The following COMMD10 variants were observed in gnomAD, a reference collection of about 807,000 sequenced individuals.
COMMD10 encodes COMM domain containing 10.
Under a neutral mutation model 28.9 loss-of-function variants are expected in COMMD10, and 33 were observed. The ratio of observed to expected loss-of-function variants is 1.14; its 90% CI spans 0.87 to 1.53. COMMD10 has a LOEUF of 1.53. COMMD10 is among the 40% of genes most tolerant of loss of function. The pLI, the probability that COMMD10 is intolerant of heterozygous loss-of-function variation, is 0.00. For synonymous variants in COMMD10, 110 were observed against 81.7 expected (o/e 1.35, Z -1.87); for missense variants, 310 against 233.4 (o/e 1.33, Z -2.14).
Position 116,085,026 on chromosome 5 carries a change from G to A in COMMD10, c.-27G>A, listed in dbSNP as rs367887177. The A allele has an allele frequency of 6.9e-6, 11 of 1,601,368 alleles. No homozygotes were observed. The highest frequency in any genetic ancestry group is 9.4e-6 in the Non-Finnish European group (11 of 1,175,968). On this transcript the variant is annotated 5_prime_UTR_variant, in exon 1 of 7. Transcript: ENST00000274458. ...TTGGCTGGGTTCGGCGCAGCTAACAGACGGCGGCAGTGCGAGAAAGCCGAA... is the reference window on the plus strand; with the variant it reads ...TTGGCTGGGTTCGGCGCAGCTAACAAACGGCGGCAGTGCGAGAAAGCCGAA...
At chr5:116,136,399 A>G (rs901541692) in intron 5 of COMMD10, among the ~76,000 whole-genome samples, 1 of 152,092 alleles carries the variant, frequency 6.6e-6, no homozygotes, top group African/African-American at 2.4e-5. Flanking sequence ...CCTTTGTTTT[A>G]TTTTTCGTGA....
chr5:116,149,121 T>TTA (rs2112548845), intron 5 of COMMD10, among the ~76,000 whole-genome samples: 1 of 149,782 alleles, frequency 6.7e-6, no homozygotes, highest in Admixed American at 6.6e-5. Flanking sequence ...TTTTTTGTTC[T>TTA]TGCGATAGTT....
At chr5:116,255,092 T>G (rs1322816134) in intron 5 of COMMD10, among the ~76,000 whole-genome samples, 3 of 151,784 alleles carry the variant, frequency 2.0e-5, no homozygotes, top group Non-Finnish European at 4.4e-5. Flanking sequence ...TGGTTTAAAG[T>G]CTGTTTTATC....
At chr5:116,237,142 G>C (rs1312755223) in intron 5 of COMMD10, among the ~76,000 whole-genome samples, 1 of 152,040 alleles carries the variant, frequency 6.6e-6, no homozygotes, top group Non-Finnish European at 1.5e-5. Context: ...ACTAGTACAA[G>C]GATCCTAAAG....
intron 5 of COMMD10, among the ~76,000 whole-genome samples, chr5:116,205,613 T>C (rs1367085083): frequency 6.6e-6 from 1 of 152,174 alleles, no homozygotes; most frequent in Non-Finnish European, 1.5e-5. Flanking sequence ...TGTACACATA[T>C]AGACACGTGT....
chr5:116,249,418 T>C (rs907789546), intron 5 of COMMD10, among the ~76,000 whole-genome samples: 1 of 151,946 alleles, frequency 6.6e-6, no homozygotes, highest in Admixed American at 6.6e-5. Flanking sequence ...ATTAATCATA[T>C]TGGTTGCATC....
intron 5 of COMMD10, among the ~76,000 whole-genome samples, chr5:116,174,205 A>G (rs1463939958): frequency 1.3e-5 from 2 of 152,086 alleles, no homozygotes; most frequent in Non-Finnish European, 2.9e-5. Context: ...TTAAGGAAAA[A>G]CAATCCAGTA....
intron 5 of COMMD10, among the ~76,000 whole-genome samples, chr5:116,266,967 A>C (rs1750604110): frequency 1.3e-5 from 2 of 151,916 alleles, no homozygotes; most frequent in South Asian, 4.1e-4. Flanking sequence ...AGAGCTATTT[A>C]TGACAGACCC....
At chr5:116,127,603 A>T (rs1252752616) in intron 4 of COMMD10, among the ~76,000 whole-genome samples, 4 of 152,248 alleles carry the variant, frequency 2.6e-5, no homozygotes, top group Non-Finnish European at 2.9e-5. Flanking sequence ...GCCATAAAAA[A>T]GGATGAGTTC....
intron 5 of COMMD10, among the ~76,000 whole-genome samples, chr5:116,224,269 A>T (rs977187600): frequency 1.3e-5 from 2 of 152,210 alleles, no homozygotes; most frequent in Non-Finnish European, 2.9e-5. Context: ...ATTCCTGTTC[A>T]CTAGAATTAG....
Position 116,173,520 on chromosome 5 carries a change from G to T in COMMD10, c.510+39342G>T, listed in dbSNP as rs114492206. Among the ~76,000 whole-genome samples, 469 of 152,134 alleles carry T rather than the reference G, an allele frequency of 3.1e-3. 2 individuals are homozygous for T. The highest frequency in any genetic ancestry group is 0.01 in the African/African-American group (425 of 41,528). ...TACAAAGAGCTAGATTTTATTTTCA[G>T]CCATCACATTATGAATAGCTTTTTT... On this transcript the variant is annotated intron_variant, in intron 5 of 6. Coordinates refer to ENST00000274458, the MANE Select transcript of COMMD10 (RefSeq NM_016144.4).
chr5:116,264,705 T>A (rs556141483), intron 5 of COMMD10, among the ~76,000 whole-genome samples: 1 of 151,886 alleles, frequency 6.6e-6, no homozygotes, highest in African/African-American at 2.4e-5. Context: ...TTTCTTAACA[T>A]TTTTTTTCTT....
Position 116,253,313 on chromosome 5 carries a change from G to C in COMMD10, c.511-38204G>C, listed in dbSNP as rs1750178124. On this transcript the variant is annotated intron_variant, in intron 5 of 6. Transcript: ENST00000274458. ...TTCCTTCTCCTGCCTAATTGCCCTG[G>C]CCAGAACTTCCAACACTATGTTGAA... Among the ~76,000 whole-genome samples the C allele has an allele frequency of 2.1e-5, 3 of 141,406 alleles. 1 individual carries two copies. In the South Asian group the frequency reaches 6.9e-4, roughly 32 times the overall value. 92.8% of individuals were successfully genotyped at this position (141,406 alleles called of 152,430 possible).
intron 5 of COMMD10, among the ~76,000 whole-genome samples, chr5:116,230,504 G>A (rs565311684): frequency 3.3e-5 from 5 of 151,958 alleles, no homozygotes; most frequent in African/African-American, 4.8e-5. Flanking sequence ...ATAAATACCT[G>A]CTGAATTAAG....
intron 5 of COMMD10, among the ~76,000 whole-genome samples, chr5:116,201,083 G>C (rs1449931358): frequency 2.0e-5 from 3 of 152,070 alleles, no homozygotes; most frequent in African/African-American, 7.2e-5. Context: ...GAGTGAGCTG[G>C]AGTTGGGTAT....
intron 4 of COMMD10, among the ~76,000 whole-genome samples, chr5:116,101,953 G>A (rs75258943): frequency 0.029 from 4,370 of 152,178 alleles, 104 homozygotes; most frequent in East Asian, 0.14. Flanking sequence ...GTACATTCTG[G>A]ATATTGGTCC....
chr5:116,266,463 A>G (rs72806944), intron 5 of COMMD10, among the ~76,000 whole-genome samples: 8,017 of 151,824 alleles, frequency 0.053, 301 homozygotes, highest in East Asian at 0.14. Context: ...TATTTTATGG[A>G]TATTGTTTTT....
At position 116,085,085 on chromosome 5, in the gene COMMD10, G is replaced by C. The variant is rs530307368; in HGVS notation, c.33G>C (p.Glu11Asp). The C allele has an allele frequency of 1.2e-6, 2 of 1,610,394 alleles. No homozygotes were observed. Among genetic ancestry groups the C allele is most frequent in the South Asian group, 1.1e-5 (1 of 90,284 alleles). MAVPAALILR[E>D]SPSMKKAVSL... ...TCCCCGCGGCGCTGATCCTACGGGAGAGCCCCAGGTAGCTGATCCGTTAAG... is the reference window on the plus strand; with the variant it reads ...TCCCCGCGGCGCTGATCCTACGGGACAGCCCCAGGTAGCTGATCCGTTAAG... The change falls in exon 1 of 7, where the codon GAG becomes GAC. Residue 11 changes from glutamate to aspartate, a missense_variant. Physicochemically the swap from Glu to Asp is conservative, Grantham distance 45. Transcript: ENST00000274458.
At position 116,134,145 on chromosome 5, in the gene COMMD10, G is replaced by C; in HGVS notation, c.477G>C (p.Val159=). The C allele has an allele frequency of 6.2e-7, 1 of 1,609,756 alleles. No individual in the cohort carries two copies. The highest frequency in any genetic ancestry group is 1.1e-5 in the South Asian group (1 of 90,978). ...AQAKLKSPQA[V]LQLGVNNEDS... ...CAAAACTAAAATCTCCTCAAGCTGT[G>C]TTACAACTCGGAGTGAACAATGAAG... Residue 159 remains valine, a synonymous_variant, in exon 5 of 7, where the codon GTG becomes GTC. Transcript: ENST00000274458.
Sources: allele counts gnomAD v4.1 joint callset (sites outside exome capture counted in the v4.1 genomes callset), GRCh38; gene constraint gnomAD v4.1.1; transcripts MANE v1.5; gene names NCBI Gene and HGNC (gene_info 2026-07-23, HGNC 2026-07-21).